CHM: variants seen among roughly 807,000 people sequenced by gnomAD.
CHM encodes the protein CHM Rab escort protein.
A neutral mutation model predicts 49.0 loss-of-function variants in CHM; 10 were observed. The ratio of observed to expected loss-of-function variants is 0.20; its 90% confidence interval spans 0.13 to 0.35. CHM has a LOEUF of 0.35. Ranked by LOEUF, CHM falls within the 10% of genes least tolerant of loss-of-function variation. The pLI, the probability that CHM is intolerant of heterozygous loss-of-function variation, is 1.00. For missense variants in CHM, 455 were observed against 478.4 expected, an observed-to-expected ratio of 0.95 and a Z score of 0.46; for synonymous variants, 184 against 167.5, an observed-to-expected ratio of 1.10 and a Z score of -0.76.
intron 9 of CHM, chrX:85,903,737 C>T (rs375596490): frequency 8.0e-6 from 3 of 374,757 alleles, no homozygotes; most frequent in South Asian, 2.5e-5. Context: ...CACTGTCAAG[C>T]GTGCCACTGC....
chrX:85,918,248 G>C (rs1234031979), intron 8 of CHM, among the ~76,000 whole-genome samples: 1 of 110,850 alleles, frequency 9.0e-6, no homozygotes, highest in Non-Finnish European at 1.9e-5. Context: ...AAGAGATTAG[G>C]GGCCTATATA....
chrX:86,026,805 AGT>A (rs1933843757), intron 2 of CHM, among the ~76,000 whole-genome samples: 1 of 111,975 alleles, frequency 8.9e-6, no homozygotes, highest in African/African-American at 3.2e-5. Flanking sequence ...GAAAATAAAA[AGT>A]GTGTTTCTTC....
At chrX:85,883,015 G>A (rs373536700) in intron 12 of CHM, among the ~76,000 whole-genome samples, 8 of 111,310 alleles carry the variant, frequency 7.2e-5, no homozygotes, top group African/African-American at 2.6e-4. Context: ...AATTTACGAA[G>A]CTAATTCCTT....
chrX:85,953,820 T>C (rs1929873484), intron 8 of CHM, among the ~76,000 whole-genome samples: 1 of 112,108 alleles, frequency 8.9e-6, no homozygotes. Context: ...TTGAAACTAC[T>C]ACAAGAAAAC....
chrX:85,928,971 G>C (rs777819098), intron 8 of CHM, among the ~76,000 whole-genome samples: 1 of 111,995 alleles, frequency 8.9e-6, no homozygotes, highest in South Asian at 3.8e-4. Flanking sequence ...TATCATCAAA[G>C]CTGTTGAGTC....
chrX:85,878,919 T>A, intron 13 of CHM, 46 bp downstream of exon 13: 6 of 918,284 alleles, frequency 6.5e-6, no homozygotes, highest in Non-Finnish European at 9.4e-6. Context: ...AAGATTATGA[T>A]GGTTACATTA....
chrX:85,914,514 C>A (rs1927334253), intron 8 of CHM, among the ~76,000 whole-genome samples: 1 of 110,668 alleles, frequency 9.0e-6, no homozygotes, highest in Admixed American at 9.6e-5. Flanking sequence ...TGAGCATCCA[C>A]TTGCAGCCTC....
chrX:85,933,256 G>A (rs1346267669), intron 8 of CHM, among the ~76,000 whole-genome samples: 1 of 111,509 alleles, frequency 9.0e-6, no homozygotes, highest in Non-Finnish European at 1.9e-5. Flanking sequence ...AAAAAAATCT[G>A]AATTCATATA....
rs1162295366 is a variant in CHM, at chrX:85,861,233, C to A, written c.*3397G>T. On this transcript the variant is annotated 3_prime_UTR_variant, in exon 15 of 15. Transcript: ENST00000357749. Reference sequence around the variant, plus strand: ...TCTGAAAACTTACTGGTAAAGTATACAATTTATGAATAATCATATATTCAT... The same window carrying A: ...TCTGAAAACTTACTGGTAAAGTATAAAATTTATGAATAATCATATATTCAT... The A allele has an allele frequency of 8.9e-6, 1 of 111,965 alleles. No homozygotes were observed. Among genetic ancestry groups the A allele is most frequent in the Non-Finnish European group, 1.9e-5 (1 of 53,137 alleles). 9.2% of individuals were successfully genotyped at this position (111,965 alleles called of 1,213,427 possible). A position where few individuals can be genotyped will look rare whatever the true frequency, so the allele number is the denominator to read the frequency against.
At chrX:85,956,421 C>A in intron 7 of CHM, 43 bp from the exon 8 acceptor site, 1 of 1,176,222 alleles carries the variant, frequency 8.5e-7, no homozygotes, top group Non-Finnish European at 1.1e-6. Flanking sequence ...CAGAACTAAA[C>A]TTCTATTTAA....
chrX:85,992,827 GCAAT>G (rs1932268533), intron 2 of CHM, among the ~76,000 whole-genome samples: 1 of 112,268 alleles, frequency 8.9e-6, no homozygotes, highest in Non-Finnish European at 1.9e-5. Context: ...AGTTGCTTTG[GCAAT>G]CAGATCAGCC....
intron 4 of CHM, among the ~76,000 whole-genome samples, chrX:85,971,898 T>A (rs1206493106): frequency 9.0e-6 from 1 of 110,583 alleles, no homozygotes; most frequent in African/African-American, 3.3e-5. Context: ...AGAGTGTCGA[T>A]TGGTGCATTC....
chrX:86,011,945 C>G (rs780401901), intron 2 of CHM, among the ~76,000 whole-genome samples: 14 of 111,987 alleles, frequency 1.3e-4, no homozygotes, highest in Non-Finnish European at 2.1e-4. Flanking sequence ...GCAGCACCGC[C>G]TACACCTTGA....
intron 1 of CHM, among the ~76,000 whole-genome samples, chrX:86,037,634 A>T (rs1488270957): frequency 1.8e-5 from 2 of 111,747 alleles, no homozygotes; most frequent in African/African-American, 6.5e-5. Flanking sequence ...AGTCTAAAAT[A>T]GATGATGAAA....
At chrX:85,913,333 AAAGAAAGAAAGAAAGAAAGAAAGAAAG>A (rs1927205422) in intron 8 of CHM, among the ~76,000 whole-genome samples, 2 of 25,212 alleles carry the variant, frequency 7.9e-5, no homozygotes, top group East Asian at 2.3e-3. Context: ...AAAAAAAAAA[AAAGAAAGAAAGAAAGAAAGAAAGAAAG>A]AAAGAAAGAA....
At chrX:85,913,467 A>T (rs1927252172) in intron 8 of CHM, among the ~76,000 whole-genome samples, 1 of 109,746 alleles carries the variant, frequency 9.1e-6, no homozygotes, top group Non-Finnish European at 1.9e-5. Context: ...AAAGAAGATG[A>T]TGTGAAGACA....
chrX:85,926,312 T>C (rs1043655913), intron 8 of CHM, among the ~76,000 whole-genome samples: 16 of 111,407 alleles, frequency 1.4e-4, no homozygotes, highest in Admixed American at 1.1e-3. Flanking sequence ...AAGCAGTCTT[T>C]GGTATAAAAT....
At chrX:85,924,480 C>T (rs1927969964) in intron 8 of CHM, among the ~76,000 whole-genome samples, 1 of 111,735 alleles carries the variant, frequency 8.9e-6, no homozygotes. Flanking sequence ...ACAAGTATTG[C>T]TGTGAAGGAA....
intron 8 of CHM, among the ~76,000 whole-genome samples, chrX:85,920,505 C>A (rs972340528): frequency 5.2e-4 from 58 of 112,039 alleles, no homozygotes; most frequent in African/African-American, 1.8e-3. Context: ...TAGGGAATTA[C>A]ATGTGGGGAA....
Sources: gnomAD v4.1 joint callset for allele counts (sites outside exome capture counted in the v4.1 genomes callset) on GRCh38, gnomAD v4.1.1 for gene constraint, MANE v1.5 for transcripts, NCBI Gene and HGNC (gene_info 2026-07-23, HGNC 2026-07-21) for gene names.